The following MBOAT2 variants were observed in gnomAD, a reference collection of about 807,000 sequenced individuals.
MBOAT2 encodes membrane bound glycerophospholipid O-acyltransferase 2.
Under a neutral mutation model 63.4 loss-of-function variants are expected in MBOAT2, and 28 were observed. The observed-to-expected ratio is 0.44, with a 90% CI of 0.33 to 0.61. MBOAT2 has a LOEUF of 0.61. MBOAT2 is among the 20% of genes least tolerant of loss of function. MBOAT2 has a pLI of 0.03. For missense variants in MBOAT2, 470 were observed against 605.8 expected, an observed-to-expected ratio of 0.78 and a Z score of 2.35; for synonymous variants, 211 against 215.6, an observed-to-expected ratio of 0.98 and a Z score of 0.19.
intron 1 of MBOAT2, among the ~76,000 whole-genome samples, chr2:9,001,085 C>T (rs1475118081): frequency 6.6e-6 from 1 of 152,166 alleles, no homozygotes; most frequent in Non-Finnish European, 1.5e-5. Flanking sequence ...GCCTGTCCCA[C>T]TGAAAGGTCT....
chr2:8,975,797 CA>C (rs75305828), intron 1 of MBOAT2, among the ~76,000 whole-genome samples: 127 of 60,690 alleles, frequency 2.1e-3, no homozygotes, highest in South Asian at 6.1e-3. Flanking sequence ...ATGAACAATA[CA>C]AAAAAAAAAA....
intron 5 of MBOAT2, among the ~76,000 whole-genome samples, chr2:8,883,511 G>A (rs753836538): frequency 1.1e-4 from 17 of 152,070 alleles, no homozygotes; most frequent in African/African-American, 4.1e-4. Flanking sequence ...ACAAAGATGA[G>A]AAGAAAATAA....
chr2:8,881,022 A>G (rs989656871), intron 6 of MBOAT2, among the ~76,000 whole-genome samples: 1 of 152,202 alleles, frequency 6.6e-6, no homozygotes, highest in Admixed American at 6.5e-5. Flanking sequence ...GAGAGGTGTC[A>G]TGAGCTTGTT....
At chr2:8,886,173 C>T (rs1663535093) in intron 5 of MBOAT2, among the ~76,000 whole-genome samples, 1 of 152,238 alleles carries the variant, frequency 6.6e-6, no homozygotes, top group Non-Finnish European at 1.5e-5. Flanking sequence ...AAGAGCTTCC[C>T]TGATGGACAC....
chr2:8,879,278 GC>G (rs1220451702), intron 6 of MBOAT2, among the ~76,000 whole-genome samples: 1 of 152,170 alleles, frequency 6.6e-6, no homozygotes, highest in African/African-American at 2.4e-5. Flanking sequence ...TTGTACTCTA[GC>G]AGCAGAGCTC....
intron 3 of MBOAT2, among the ~76,000 whole-genome samples, chr2:8,942,305 AT>A (rs1668113307): frequency 6.6e-6 from 1 of 152,234 alleles, no homozygotes; most frequent in South Asian, 2.1e-4. Flanking sequence ...TTGCAGACAT[AT>A]GTGATTCAGA....
intron 3 of MBOAT2, among the ~76,000 whole-genome samples, chr2:8,926,887 G>A (rs1423280350): frequency 6.6e-6 from 1 of 152,128 alleles, no homozygotes; most frequent in African/African-American, 2.4e-5. Flanking sequence ...AGAGCTAAGG[G>A]TCACCACCAC....
At chr2:8,899,806 T>C (rs1005039324) in intron 4 of MBOAT2, among the ~76,000 whole-genome samples, 6 of 152,246 alleles carry the variant, frequency 3.9e-5, no homozygotes, top group South Asian at 2.1e-4. Flanking sequence ...TGACTAAGGC[T>C]GCGGCCTTTC....
At chr2:8,903,152 G>A (rs1164636338) in intron 4 of MBOAT2, among the ~76,000 whole-genome samples, 1 of 151,944 alleles carries the variant, frequency 6.6e-6, no homozygotes, top group East Asian at 1.9e-4. Flanking sequence ...CTTTAACTAG[G>A]CACAAAGCAC....
chr2:8,873,340 G>A (rs1346883959), intron 7 of MBOAT2, 40 bp from the exon 8 acceptor site: 2 of 1,582,324 alleles, frequency 1.3e-6, no homozygotes, highest in East Asian at 2.3e-5. Flanking sequence ...CTTTATCCAT[G>A]CTCCTTTTAA....
intron 9 of MBOAT2, among the ~76,000 whole-genome samples, chr2:8,864,723 G>A (rs995206024): frequency 6.6e-6 from 1 of 151,984 alleles, no homozygotes; most frequent in African/African-American, 2.4e-5. Flanking sequence ...CTGAAAGAGT[G>A]GATCTGCACA....
intron 9 of MBOAT2, among the ~76,000 whole-genome samples, chr2:8,866,093 T>C (rs868045508): frequency 6.6e-6 from 1 of 152,048 alleles, no homozygotes; most frequent in South Asian, 2.1e-4. Flanking sequence ...TTTATGTCCT[T>C]CTCTTACTTG....
chr2:8,980,084 GT>G (rs1469568966), intron 1 of MBOAT2, among the ~76,000 whole-genome samples: 1 of 152,166 alleles, frequency 6.6e-6, no homozygotes, highest in African/African-American at 2.4e-5. Flanking sequence ...AAGTAGCTCA[GT>G]TTTGGTATGC....
At chr2:8,889,347 G>A (rs1490853865) in intron 4 of MBOAT2, among the ~76,000 whole-genome samples, 1 of 152,246 alleles carries the variant, frequency 6.6e-6, no homozygotes, top group African/African-American at 2.4e-5. Flanking sequence ...CTGGGCCCTT[G>A]AGAAGCTACA....
At position 8,857,429 on chromosome 2, in the gene MBOAT2, G is replaced by A. The variant is rs1661174132; in HGVS notation, c.*1250C>T. Reference sequence around the variant, plus strand: ...AGGCAAGATTAGTTGTGGTAAAAATGGCCCATAAAATAAAAGCACATTTTT... The same window carrying A: ...AGGCAAGATTAGTTGTGGTAAAAATAGCCCATAAAATAAAAGCACATTTTT... On this transcript the variant is annotated 3_prime_UTR_variant, in exon 13 of 13. Transcript: ENST00000305997. The A allele has an allele frequency of 1.3e-5, 2 of 152,258 alleles. No individual in the cohort carries two copies. Among genetic ancestry groups the A allele is most frequent in the African/African-American group, 4.8e-5 (2 of 41,512 alleles). 9.4% of individuals were successfully genotyped at this position (152,258 alleles called of 1,614,324 possible).
intron 2 of MBOAT2, among the ~76,000 whole-genome samples, chr2:8,953,629 C>A (rs753021997): frequency 6.6e-6 from 1 of 152,070 alleles, no homozygotes; most frequent in Non-Finnish European, 1.5e-5. Flanking sequence ...AGATTTTGTT[C>A]ATTTATTAAA....
At chr2:8,886,436 C>T (rs978592072) in intron 5 of MBOAT2, among the ~76,000 whole-genome samples, 1 of 152,156 alleles carries the variant, frequency 6.6e-6, no homozygotes, top group African/African-American at 2.4e-5. Flanking sequence ...GATAATAAGG[C>T]CCTTCTCTGA....
chr2:8,958,412 C>A, intron 2 of MBOAT2, 85 bp downstream of exon 2: 2 of 1,284,222 alleles, frequency 1.6e-6, no homozygotes, highest in South Asian at 2.2e-5. Context: ...AGAACAAAAC[C>A]CTACATAATG....
chr2:8,930,740 G>A (rs1667260012), intron 3 of MBOAT2, among the ~76,000 whole-genome samples: 3 of 150,978 alleles, frequency 2.0e-5, no homozygotes, highest in Non-Finnish European at 3.0e-5. Context: ...GGGAGGGATG[G>A]CATTAGGAGA....
Sources: gnomAD v4.1 joint callset for allele counts (sites outside exome capture counted in the v4.1 genomes callset) on GRCh38, gnomAD v4.1.1 for gene constraint, MANE v1.5 for transcripts, NCBI Gene and HGNC (gene_info 2026-07-23, HGNC 2026-07-21) for gene names.